TP53BP2: variants seen among roughly 807,000 people sequenced by gnomAD.
The protein encoded by TP53BP2 is apoptosis-stimulating of p53 protein 2.
A neutral mutation model predicts 126.2 loss-of-function variants in TP53BP2; 62 were observed. The ratio of observed to expected loss-of-function variants is 0.49; its 90% CI spans 0.40 to 0.61. TP53BP2 has a LOEUF of 0.61. Ranked by LOEUF, TP53BP2 falls within the 20% of genes least tolerant of loss-of-function variation. TP53BP2 has a pLI of 0.00. For synonymous variants in TP53BP2, 485 were observed against 502.9 expected (o/e 0.96, Z 0.48); for missense variants, 1,215 against 1,402.8 (o/e 0.87, Z 2.14).
intron 13 of TP53BP2, 36 bp from the exon 14 acceptor site, chr1:223,793,476 G>C: frequency 6.6e-7 from 1 of 1,510,958 alleles, no homozygotes; most frequent in Non-Finnish European, 8.8e-7. Context: ...TAGGATCCTC[G>C]TCTATGCAAG....
At chr1:223,845,359 G>A (rs1421919172) in intron 1 of TP53BP2, 5 of 697,326 alleles carry the variant, frequency 7.2e-6, no homozygotes, top group African/African-American at 1.9e-5. Flanking sequence ...AGTGAAAGAC[G>A]AAAAGTTTGA....
chr1:223,845,709 G>A lies in TP53BP2; in HGVS notation c.-29C>T. ...AGCGGGTGGCCAGACTGCGGCCCCG[G>A]CCGAGCTGAGGTGCCCCGGAGGGTC... On this transcript the variant is annotated 5_prime_UTR_variant, in exon 1 of 18. Transcript: ENST00000343537. The A allele has an allele frequency of 2.0e-6, 3 of 1,530,572 alleles. No homozygotes were observed. Among genetic ancestry groups the A allele is most frequent in the South Asian group, 2.4e-5 (2 of 82,822 alleles). The allele number at this position is 1,530,572 out of a possible 1,614,324, so 94.8% of individuals were successfully genotyped here. A position where few individuals can be genotyped will look rare whatever the true frequency, so the allele number is the denominator to read the frequency against.
intron 1 of TP53BP2, chr1:223,845,321 T>G: frequency 2.2e-6 from 2 of 899,112 alleles, no homozygotes; most frequent in Non-Finnish European, 2.7e-6. Context: ...ATTCTTGACC[T>G]TCAAGAACTG....
intron 17 of TP53BP2, among the ~76,000 whole-genome samples, chr1:223,782,650 A>G (rs1362942884): frequency 1.3e-5 from 2 of 152,060 alleles, no homozygotes; most frequent in East Asian, 3.9e-4. Flanking sequence ...ACAGGGTTTC[A>G]CCATGTTGGC....
intron 1 of TP53BP2, among the ~76,000 whole-genome samples, chr1:223,830,962 G>A (rs1456566861): frequency 6.6e-6 from 1 of 152,046 alleles, no homozygotes; most frequent in Non-Finnish European, 1.5e-5. Context: ...GCCGGGCATG[G>A]TGGCGGGCGC....
At position 223,803,400 on chromosome 1, in the gene TP53BP2, G is replaced by A. The variant is rs1218047983; in HGVS notation, c.702C>T (p.Leu234=). The change falls in exon 7 of 18, where the codon CTC becomes CTT. Residue 234 remains leucine, a synonymous_variant. Coordinates refer to ENST00000343537, the MANE Select transcript of TP53BP2 (RefSeq NM_001031685.3). ...CTTCTACTTTTGACACAGCCAGGAC[G>A]AGCTCCCTCTGTTTTTGCTGGAACA... ...NNLFQQKQRE[L]VLAVSKVEEL... The A allele has an allele frequency of 8.1e-6, 13 of 1,613,848 alleles. No homozygotes were observed. Among genetic ancestry groups the A allele is most frequent in the Admixed American group, 1.7e-5 (1 of 59,958 alleles).
chr1:223,813,749 G>C (rs762253985), intron 3 of TP53BP2, among the ~76,000 whole-genome samples: 1 of 152,012 alleles, frequency 6.6e-6, no homozygotes, highest in Non-Finnish European at 1.5e-5. Context: ...CAGCAGTCTG[G>C]CTTCCCTAGT....
rs991755587 is a variant in TP53BP2, at chr1:223,798,765, T to A, written c.1486-88A>T. ...GATAACCTAATTTCACAAATGTAAATATACACTATAAAAATATTAGCTCTG... is the reference window on the plus strand; with the variant it reads ...GATAACCTAATTTCACAAATGTAAAAATACACTATAAAAATATTAGCTCTG... On this transcript the variant is annotated intron_variant, in intron 11 of 17. Transcript: ENST00000343537. 3.5e-6 allele frequency: 4 copies of A among 1,131,534 alleles called. No homozygotes were observed. The African/African-American group carries it at 6.3e-5, about 18-fold the overall frequency. The allele number at this position is 1,131,534 out of a possible 1,614,324, so 70.1% of individuals were successfully genotyped here.
At chr1:223,835,147 A>T (rs1272629097) in intron 1 of TP53BP2, among the ~76,000 whole-genome samples, 5 of 152,246 alleles carry the variant, frequency 3.3e-5, no homozygotes, top group African/African-American at 1.2e-4. Flanking sequence ...GGATGTTCAC[A>T]TCCTGAAGCA....
chr1:223,786,611 T>TGTGTGTA (rs1491259336), intron 16 of TP53BP2, among the ~76,000 whole-genome samples: 18 of 149,458 alleles, frequency 1.2e-4, no homozygotes, highest in South Asian at 2.1e-4. Flanking sequence ...TGTGTGTATA[T>TGTGTGTA]TTTTTTTTCC....
intron 13 of TP53BP2, among the ~76,000 whole-genome samples, chr1:223,794,763 A>G (rs1662261448): frequency 6.6e-6 from 1 of 152,222 alleles, no homozygotes; most frequent in Non-Finnish European, 1.5e-5. Context: ...AAAAACTGTT[A>G]ACCTCTATTT....
At chr1:223,801,029 C>T (rs1361392849) in intron 9 of TP53BP2, among the ~76,000 whole-genome samples, 1 of 152,224 alleles carries the variant, frequency 6.6e-6, no homozygotes, top group Non-Finnish European at 1.5e-5. Context: ...AGCAAGTCTG[C>T]TTGAACCAGC....
chr1:223,835,076 G>C (rs544036598), intron 1 of TP53BP2, among the ~76,000 whole-genome samples: 1 of 152,186 alleles, frequency 6.6e-6, no homozygotes, highest in Non-Finnish European at 1.5e-5. Flanking sequence ...AAACTGTGAC[G>C]CAGGGATTCA....
At chr1:223,833,765 A>G (rs1450756189) in intron 1 of TP53BP2, among the ~76,000 whole-genome samples, 3 of 152,142 alleles carry the variant, frequency 2.0e-5, no homozygotes, top group Non-Finnish European at 4.4e-5. Flanking sequence ...TCGTTCATTC[A>G]CCCGTTAGTA....
intron 13 of TP53BP2, 67 bp from the exon 14 acceptor site, chr1:223,793,507 G>C (rs899059840): frequency 2.1e-6 from 3 of 1,414,354 alleles, no homozygotes; most frequent in African/African-American, 2.9e-5. Flanking sequence ...CAGCAAATGG[G>C]AAGGAATGAC....
At chr1:223,787,151 C>T (rs12091841) in intron 16 of TP53BP2, among the ~76,000 whole-genome samples, 16,517 of 152,162 alleles carry the variant, frequency 0.11, 1,060 homozygotes, top group African/African-American at 0.18. Flanking sequence ...CTGCCTCGGC[C>T]TCCCAAAGTG....
At chr1:223,786,831 C>T (rs1021366447) in intron 16 of TP53BP2, among the ~76,000 whole-genome samples, 6 of 151,992 alleles carry the variant, frequency 3.9e-5, no homozygotes, top group Non-Finnish European at 7.3e-5. Context: ...TGGTCTCGAT[C>T]TCCTGACCTC....
At chr1:223,830,041 A>C (rs1160844613) in intron 1 of TP53BP2, among the ~76,000 whole-genome samples, 2 of 152,224 alleles carry the variant, frequency 1.3e-5, no homozygotes. Flanking sequence ...TAAATGACAG[A>C]TCCCACAAGA....
intron 1 of TP53BP2, among the ~76,000 whole-genome samples, chr1:223,833,409 T>C (rs532968443): frequency 2.0e-5 from 3 of 152,218 alleles, no homozygotes; most frequent in Admixed American, 6.5e-5. Context: ...TCAATATCAA[T>C]TTGAACAATA....
Sources: gnomAD v4.1 joint callset for allele counts (sites outside exome capture counted in the v4.1 genomes callset) on GRCh38, gnomAD v4.1.1 for gene constraint, MANE v1.5 for transcripts, NCBI Gene and HGNC (gene_info 2026-07-23, HGNC 2026-07-21) for gene names.